Variants in SLC17A5 observed in about 807,000 individuals in gnomAD.
SLC17A5 encodes the protein sialin.
Under a neutral mutation model 59.4 loss-of-function variants are expected in SLC17A5, and 47 were observed. That is an observed-to-expected ratio of 0.79 (90% CI 0.63 to 1.01). The LOEUF is 1.01. Among genes scored for constraint, SLC17A5 ranks in the 50% least tolerant of loss-of-function variants. SLC17A5 has a pLI of 0.00. For missense variants in SLC17A5, 522 were observed against 595.5 expected (o/e 0.88, Z 1.28); for synonymous variants, 202 against 210.7 (o/e 0.96, Z 0.36).
intron 9 of SLC17A5, among the ~76,000 whole-genome samples, chr6:73,608,719 A>C (rs1030015138): frequency 6.6e-6 from 1 of 151,650 alleles, no homozygotes; most frequent in South Asian, 2.1e-4. Flanking sequence ...TAGGCTTGAC[A>C]AAACCTCAAG....
chr6:73,613,871 C>G (rs1415436346), intron 8 of SLC17A5, among the ~76,000 whole-genome samples: 2 of 152,038 alleles, frequency 1.3e-5, no homozygotes, highest in African/African-American at 4.8e-5. Flanking sequence ...GTAATCCTAG[C>G]ACTTTGGGAG....
At chr6:73,614,500 T>G (rs1767767948) in intron 8 of SLC17A5, among the ~76,000 whole-genome samples, 1 of 152,038 alleles carries the variant, frequency 6.6e-6, no homozygotes, top group South Asian at 2.1e-4. Context: ...ATTTCTGGAG[T>G]GGTAACAGTG....
chr6:73,626,951 G>T (rs676704), intron 6 of SLC17A5, among the ~76,000 whole-genome samples: 24,833 of 151,448 alleles, frequency 0.16, 3,136 homozygotes, highest in African/African-American at 0.35. Flanking sequence ...TTTGTATTTT[G>T]GTAGAGATGG....
intron 9 of SLC17A5, among the ~76,000 whole-genome samples, chr6:73,601,998 G>T (rs868360224): frequency 3.5e-4 from 54 of 152,188 alleles, no homozygotes; most frequent in Admixed American, 2.1e-3. Context: ...GAATAGAAAG[G>T]GGGGAAAGGT....
rs1581983240 is a variant in SLC17A5 at position 73,636,572 on chromosome 6, TA to T, written c.700+48del. ...TAAAACATTATTAGGCTACTATTAT[TA>T]CATTTTGAATTTGTTACATTATAAT... On this transcript the variant is annotated intron_variant, in intron 5 of 10. Coordinates refer to ENST00000355773, the MANE Select transcript of SLC17A5 (RefSeq NM_012434.5). 28 of 1,061,422 alleles carry T rather than the reference TA, an allele frequency of 2.6e-5. No individual in the cohort carries two copies. In the East Asian group the frequency reaches 6.7e-4, roughly 25 times the overall value. The allele number at this position is 1,061,422 out of a possible 1,614,324, so 65.8% of individuals were successfully genotyped here.
intron 9 of SLC17A5, among the ~76,000 whole-genome samples, chr6:73,607,364 G>A (rs567135138): frequency 6.6e-6 from 1 of 151,376 alleles, no homozygotes; most frequent in African/African-American, 2.4e-5. Context: ...CACCTCCCAG[G>A]TTCAAGTGAT....
chr6:73,601,768 G>A (rs916099273), intron 9 of SLC17A5, among the ~76,000 whole-genome samples: 1 of 144,296 alleles, frequency 6.9e-6, no homozygotes, highest in African/African-American at 2.6e-5. Context: ...CTACTGAGAA[G>A]TGAGGAGCCC....
chr6:73,649,324 C>T (rs1482930768), intron 1 of SLC17A5, among the ~76,000 whole-genome samples: 1 of 152,198 alleles, frequency 6.6e-6, no homozygotes, highest in Non-Finnish European at 1.5e-5. Flanking sequence ...TATTACAAGC[C>T]GGGCATGGTG....
intron 7 of SLC17A5, 59 bp from the exon 8 acceptor site, chr6:73,615,506 A>C: frequency 6.5e-7 from 1 of 1,542,810 alleles, no homozygotes; most frequent in Non-Finnish European, 8.9e-7. Flanking sequence ...CAAAACATAC[A>C]CATTCATCAC....
At chr6:73,644,972 A>G (rs584034) in intron 1 of SLC17A5, among the ~76,000 whole-genome samples, 74,213 of 152,014 alleles carry the variant, frequency 0.49, 20,403 homozygotes, top group African/African-American at 0.75. Flanking sequence ...TGAACTATAA[A>G]AAAGTTCATT....
In SLC17A5 at chr6:73,594,788, T is replaced by C; in HGVS notation, c.*289A>G. The C allele has an allele frequency of 4.8e-6, 2 of 420,472 alleles. No individual in the cohort carries two copies. The highest frequency in any genetic ancestry group is 8.8e-6 in the Non-Finnish European group (2 of 227,618). 26.0% of individuals were successfully genotyped at this position (420,472 alleles called of 1,614,324 possible). A position where few individuals can be genotyped will look rare whatever the true frequency, so the allele number is the denominator to read the frequency against. On this transcript the variant is annotated 3_prime_UTR_variant, in exon 11 of 11. Transcript: ENST00000355773. Reference sequence around the variant, plus strand: ...GGAGGTCTGTTTCAGCTCATTCCCTTTAGTATGGCCCTAAAAAATCAACAG... The same window carrying C: ...GGAGGTCTGTTTCAGCTCATTCCCTCTAGTATGGCCCTAAAAAATCAACAG...
At chr6:73,614,831 C>A (rs958449546) in intron 8 of SLC17A5, among the ~76,000 whole-genome samples, 3 of 152,206 alleles carry the variant, frequency 2.0e-5, no homozygotes, top group African/African-American at 7.2e-5. Flanking sequence ...TTCCATCTGG[C>A]TGTTCATCTA....
chr6:73,627,223 C>A (rs747524837), intron 6 of SLC17A5, among the ~76,000 whole-genome samples: 1 of 152,090 alleles, frequency 6.6e-6, no homozygotes, highest in African/African-American at 2.4e-5. Context: ...ACTACAGGCG[C>A]GTGCCACTAT....
chr6:73,608,638 G>A (rs1307064589), intron 9 of SLC17A5, among the ~76,000 whole-genome samples: 2 of 152,146 alleles, frequency 1.3e-5, no homozygotes, highest in African/African-American at 2.4e-5. Context: ...CATCCTAAGC[G>A]ATAACATAGC....
At chr6:73,650,465 G>A (rs1188339721) in intron 1 of SLC17A5, among the ~76,000 whole-genome samples, 5 of 142,560 alleles carry the variant, frequency 3.5e-5, no homozygotes, top group Non-Finnish European at 7.5e-5. Context: ...CCGAGATAGC[G>A]CGACTGCAGT....
chr6:73,603,218 G>A (rs763311461), intron 9 of SLC17A5, among the ~76,000 whole-genome samples: 3 of 151,592 alleles, frequency 2.0e-5, no homozygotes, highest in Non-Finnish European at 4.4e-5. Flanking sequence ...TGCAACCTCC[G>A]CCTCCTAGGT....
At chr6:73,653,290 AG>A (rs1177703109) in intron 1 of SLC17A5, 2 of 985,414 alleles carry the variant, frequency 2.0e-6, no homozygotes, top group African/African-American at 3.5e-5. Context: ...GCGGATACGC[AG>A]TGGCGGAAAC....
At chr6:73,597,076 G>T (rs957010786) in intron 10 of SLC17A5, among the ~76,000 whole-genome samples, 45 of 152,174 alleles carry the variant, frequency 3.0e-4, no homozygotes, top group African/African-American at 7.7e-4. Flanking sequence ...CAGGAGAATT[G>T]CTTGAACCTG....
chr6:73,635,281 A>G, intron 6 of SLC17A5, 101 bp downstream of exon 6: 1 of 711,524 alleles, frequency 1.4e-6, no homozygotes, highest in Non-Finnish European at 2.5e-6. Context: ...TACTTTGTCT[A>G]GAGCATGCAC....
Sources: allele counts gnomAD v4.1 joint callset (sites outside exome capture counted in the v4.1 genomes callset), GRCh38; gene constraint gnomAD v4.1.1; transcripts MANE v1.5; gene names NCBI Gene and HGNC (gene_info 2026-07-23, HGNC 2026-07-21).